Variants in JMJD1C observed in about 807,000 individuals in gnomAD.
JMJD1C encodes the protein jumonji domain containing 1C, also known as jumonji domain-containing protein 1C.
In JMJD1C, 31 loss-of-function variants were observed where a neutral mutation model predicts 245.3. The ratio of observed to expected loss-of-function variants is 0.13; its 90% confidence interval spans 0.09 to 0.17. The LOEUF is 0.17. Ranked by LOEUF, JMJD1C falls within the 10% of genes least tolerant of loss-of-function variation. The pLI is 1.00. For synonymous variants in JMJD1C, 1,057 were observed against 1,017.4 expected, an observed-to-expected ratio of 1.04 and a Z score of -0.74; for missense variants, 2,691 against 3,000.2, an observed-to-expected ratio of 0.90 and a Z score of 2.41.
intron 1 of JMJD1C, among the ~76,000 whole-genome samples, chr10:63,507,249 A>G (rs889317748): frequency 2.0e-5 from 3 of 152,194 alleles, no homozygotes; most frequent in African/African-American, 7.2e-5. Context: ...TTGCGTGAAC[A>G]TATTTCAATT....
chr10:63,450,287 T>G (rs2133008553), intron 1 of JMJD1C, among the ~76,000 whole-genome samples: 1 of 152,076 alleles, frequency 6.6e-6, no homozygotes, highest in East Asian at 1.9e-4. Flanking sequence ...ATTGGAAGGC[T>G]GTGGCAGGAG....
chr10:63,354,876 A>AG (rs58423213), intron 2 of JMJD1C, among the ~76,000 whole-genome samples: 1 of 150,014 alleles, frequency 6.7e-6, no homozygotes, highest in Admixed American at 6.7e-5. Context: ...AAAAAAAAAA[A>AG]GTCAGGCATG....
At chr10:63,446,619 C>T (rs755241243) in intron 1 of JMJD1C, among the ~76,000 whole-genome samples, 2 of 151,994 alleles carry the variant, frequency 1.3e-5, no homozygotes, top group African/African-American at 2.4e-5. Context: ...AAGACAGATA[C>T]GAGAAAAACC....
chr10:63,499,999 T>G (rs1589831575), intron 1 of JMJD1C, among the ~76,000 whole-genome samples: 1 of 152,224 alleles, frequency 6.6e-6, no homozygotes, highest in African/African-American at 2.4e-5. Context: ...CCTAAACATA[T>G]TCATATTAGG....
At chr10:63,301,850 G>A in intron 2 of JMJD1C, 1 of 377,472 alleles carries the variant, frequency 2.6e-6, no homozygotes, top group Non-Finnish European at 5.2e-6. Context: ...TCACAATGAA[G>A]AAAAAACAAA....
chr10:63,426,838 A>C (rs941571612), intron 1 of JMJD1C, among the ~76,000 whole-genome samples: 2 of 152,216 alleles, frequency 1.3e-5, no homozygotes, highest in Admixed American at 6.5e-5. Context: ...ATTTTCTCCA[A>C]AAGAGAAAAA....
intron 3 of JMJD1C, among the ~76,000 whole-genome samples, chr10:63,263,959 T>TAC (rs746833882): frequency 0.053 from 4,399 of 82,936 alleles, 573 homozygotes; most frequent in Admixed American, 0.064. Flanking sequence ...AAAATACACA[T>TAC]ACACACACAC....
intron 1 of JMJD1C, among the ~76,000 whole-genome samples, chr10:63,505,193 T>C (rs142806981): frequency 0.013 from 2,012 of 151,882 alleles, 30 homozygotes; most frequent in African/African-American, 0.034. Flanking sequence ...GGCGGGCGCC[T>C]GTAGTCCCAG....
chr10:63,316,069 G>A (rs896181243), intron 2 of JMJD1C, among the ~76,000 whole-genome samples: 3 of 152,106 alleles, frequency 2.0e-5, no homozygotes, highest in African/African-American at 7.2e-5. Context: ...CTACTTGGGA[G>A]GGTAATGTGG....
intron 2 of JMJD1C, among the ~76,000 whole-genome samples, chr10:63,327,119 T>G (rs982576932): frequency 6.6e-6 from 1 of 152,074 alleles, no homozygotes; most frequent in Non-Finnish European, 1.5e-5. Context: ...CCCAGGAGGC[T>G]GATGCTACAG....
chr10:63,385,600 G>A lies in JMJD1C; in HGVS notation c.169-5118C>T, dbSNP rs187274486. 1.5e-4 allele frequency among the ~76,000 whole-genome samples: 22 copies of A among 151,266 alleles called. No homozygotes were observed. In the South Asian group the frequency reaches 1.7e-3, roughly 12 times the overall value. ...CTACAGGTGCATGTTACCATGACCC[G>A]GCTAATGTTTCTTTTTTAAATTTAT... On this transcript the variant is annotated intron_variant, in intron 1 of 25. Coordinates refer to ENST00000399262, the MANE Select transcript of JMJD1C (RefSeq NM_032776.3).
At chr10:63,335,023 G>GGAA (rs1554891434) in intron 2 of JMJD1C, among the ~76,000 whole-genome samples, 45 of 100,860 alleles carry the variant, frequency 4.5e-4, no homozygotes, top group East Asian at 7.8e-4. Context: ...TCTGTCTTTG[G>GGAA]AAAAAAATAA....
chr10:63,484,688 T>TA (rs149611149), intron 1 of JMJD1C, among the ~76,000 whole-genome samples: 5,618 of 151,924 alleles, frequency 0.037, 330 homozygotes, highest in East Asian at 0.29. Flanking sequence ...TCTCTTAACT[T>TA]AAAAAAAATT....
intron 2 of JMJD1C, among the ~76,000 whole-genome samples, chr10:63,347,498 T>C (rs1943951407): frequency 6.6e-6 from 1 of 150,860 alleles, no homozygotes; most frequent in Admixed American, 6.6e-5. Flanking sequence ...GGCAGGAGAA[T>C]TGTTGAACCC....
intron 2 of JMJD1C, among the ~76,000 whole-genome samples, chr10:63,342,368 T>C (rs1437974856): frequency 2.6e-5 from 4 of 152,148 alleles, no homozygotes; most frequent in African/African-American, 7.2e-5. Context: ...GTTTATAAAA[T>C]CAAAGAGAGA....
intron 1 of JMJD1C, among the ~76,000 whole-genome samples, chr10:63,449,933 G>T (rs1396308481): frequency 6.6e-6 from 1 of 151,882 alleles, no homozygotes; most frequent in South Asian, 2.1e-4. Flanking sequence ...GGCAACAAAG[G>T]GACACTCCAT....
intron 2 of JMJD1C, among the ~76,000 whole-genome samples, chr10:63,308,395 T>C (rs899366180): frequency 3.9e-5 from 6 of 152,004 alleles, no homozygotes; most frequent in Admixed American, 1.3e-4. Context: ...AAGTTCAAAA[T>C]AGACAAACCC....
At chr10:63,478,902 G>A (rs1953744159) in intron 1 of JMJD1C, among the ~76,000 whole-genome samples, 1 of 152,052 alleles carries the variant, frequency 6.6e-6, no homozygotes, top group Non-Finnish European at 1.5e-5. Context: ...AGTGTTCAAG[G>A]TTACAGCGAG....
rs1283338413 is a variant in JMJD1C at position 63,207,771 on chromosome 10, C to T, written c.3898G>A (p.Ala1300Thr). Residue 1300 changes from alanine (A) to threonine (T), a missense_variant, in exon 10 of 26, where the codon GCT becomes ACT. Ala to Thr is a moderately conservative substitution (Grantham distance 58). This residue lies in a region of JMJD1C where 1,562 missense variants were observed against 1,490.7 expected (regional missense o/e 1.05). Coordinates refer to ENST00000399262, the MANE Select transcript of JMJD1C (RefSeq NM_032776.3). ...CGCACAATGACAGATGCCATAGCAGCCTGTAACTTTCCGCTGCTTTTCTCC... is the reference window on the plus strand; with the variant it reads ...CGCACAATGACAGATGCCATAGCAGTCTGTAACTTTCCGCTGCTTTTCTCC... ...HVEKSSGKLQAAMASVIVRPS... is the reference protein window; with the variant it reads ...HVEKSSGKLQTAMASVIVRPS... 4 of 1,614,182 alleles carry T rather than the reference C, an allele frequency of 2.5e-6. No homozygotes were observed. The highest frequency in any genetic ancestry group is 3.4e-6 in the Non-Finnish European group (4 of 1,180,014).
Sources: gnomAD v4.1 joint callset for allele counts (sites outside exome capture counted in the v4.1 genomes callset) on GRCh38, gnomAD v4.1.1 for gene constraint, gnomAD v4.1.1 regional missense constraint, MANE v1.5 for transcripts, NCBI Gene and HGNC (gene_info 2026-07-23, HGNC 2026-07-21) for gene names.